PTCHD4: variants seen among roughly 807,000 people sequenced by gnomAD.
PTCHD4 encodes the protein patched domain-containing protein 4.
PTCHD4 carries 33 observed loss-of-function variants against 58.1 expected under a neutral mutation model. The ratio of observed to expected loss-of-function variants is 0.57; its 90% CI spans 0.43 to 0.76. The LOEUF (loss-of-function observed/expected upper bound fraction) is 0.76. PTCHD4 is among the 30% of genes least tolerant of loss of function. The probability of loss-of-function intolerance (pLI) is 0.00; values close to 1 mark genes in which losing one functional copy is unlikely to be tolerated. For synonymous variants in PTCHD4, 478 were observed against 409.6 expected, an observed-to-expected ratio of 1.17 and a Z score of -2.02; for missense variants, 1,058 against 1,027.1, an observed-to-expected ratio of 1.03 and a Z score of -0.41.
chr6:48,072,993 A>G (rs1156517463), intron 1 of PTCHD4, among the ~76,000 whole-genome samples: 1 of 152,202 alleles, frequency 6.6e-6, no homozygotes, highest in Non-Finnish European at 1.5e-5. Flanking sequence ...TTAGGGATTC[A>G]TTAGAAAGAT....
rs1763335121 is a variant in PTCHD4 at position 47,857,702 on chromosome 6, G to A, written c.*20601C>T. ...ACTAAGAGCTGTAAATTAGTTAATA[G>A]ACTACTTATTTTCATTTGGGGAACA... On this transcript the variant is annotated 3_prime_UTR_variant, in exon 5 of 5. Transcript: ENST00000339488. 6.6e-6 allele frequency among the ~76,000 whole-genome samples: 1 copy of A among 151,912 alleles called. No homozygotes were observed. Among genetic ancestry groups the A allele is most frequent in the Non-Finnish European group, 1.5e-5 (1 of 67,942 alleles).
At chr6:48,109,917 A>ATAGTGCTGC (rs1765828676) in intron 1 of PTCHD4, among the ~76,000 whole-genome samples, 2 of 152,180 alleles carry the variant, frequency 1.3e-5, no homozygotes, top group African/African-American at 4.8e-5. Flanking sequence ...ATTATTTTAA[A>ATAGTGCTGC]AATAAAACTT....
At chr6:47,995,427 G>C (rs1191750642) in intron 4 of PTCHD4, among the ~76,000 whole-genome samples, 1 of 152,106 alleles carries the variant, frequency 6.6e-6, no homozygotes, top group Non-Finnish European at 1.5e-5. Context: ...ATAATAACTG[G>C]TCTTTTTACA....
chr6:47,875,514 A>G lies in PTCHD4; in HGVS notation c.*2789T>C, dbSNP rs1763824988. On this transcript the variant is annotated 3_prime_UTR_variant, in exon 5 of 5. Transcript: ENST00000339488. The stretch of plus-strand genomic sequence containing the variant: ...CTTTAGGTGGTATATTAACTCTTCC[A>G]GAACAAATAATTCCATTTCAGTAAA... 6.6e-6 allele frequency among the ~76,000 whole-genome samples: 1 copy of G among 151,866 alleles called. No homozygotes were observed. Among genetic ancestry groups the G allele is most frequent in the African/African-American group, 2.4e-5 (1 of 41,406 alleles).
chr6:48,007,051 C>T (rs1474154951), intron 4 of PTCHD4, among the ~76,000 whole-genome samples: 1 of 152,070 alleles, frequency 6.6e-6, no homozygotes, highest in Non-Finnish European at 1.5e-5. Context: ...TCAGCCTGGC[C>T]AACACGGTGA....
Position 48,000,292 on chromosome 6 carries a change from C to T in PTCHD4, c.898+8342G>A, listed in dbSNP as rs80011312. Among the ~76,000 whole-genome samples the T allele has an allele frequency of 9.5e-4, 145 of 152,212 alleles. 1 individual carries two copies. The highest frequency in any genetic ancestry group is 3.3e-3 in the African/African-American group (136 of 41,550). On this transcript the variant is annotated intron_variant, in intron 4 of 4. Transcript: ENST00000339488. ...TAGTCTAGTCTAGCTGACCCTGACC[C>T]GCACAATTTTCATGATCTGTCATTA...
chr6:47,999,672 C>A (rs985842164), intron 4 of PTCHD4, among the ~76,000 whole-genome samples: 38 of 152,130 alleles, frequency 2.5e-4, no homozygotes, highest in African/African-American at 9.2e-4. Flanking sequence ...AAACTACTGA[C>A]CCACAGAATC....
At chr6:47,993,868 G>C (rs1226049895) in intron 4 of PTCHD4, among the ~76,000 whole-genome samples, 1 of 152,120 alleles carries the variant, frequency 6.6e-6, no homozygotes, top group Non-Finnish European at 1.5e-5. Context: ...TAGAGATATG[G>C]GCAGAGCCAA....
chr6:48,110,098 AC>A (rs1225131254), intron 1 of PTCHD4, among the ~76,000 whole-genome samples: 1 of 152,192 alleles, frequency 6.6e-6, no homozygotes, highest in Non-Finnish European at 1.5e-5. Flanking sequence ...CAGCAATTCC[AC>A]CACTGAGTAT....
In PTCHD4 at chr6:48,104,256, G is replaced by T. The variant is rs1306149713; in HGVS notation, c.-970+6793C>A. ...CATCAGACTAACAGCTGATCTCTCGGCAGAAACTCTACAAGCCAGAAGAGA... is the reference window on the plus strand; with the variant it reads ...CATCAGACTAACAGCTGATCTCTCGTCAGAAACTCTACAAGCCAGAAGAGA... On this transcript the variant is annotated intron_variant, in intron 1 of 4. Coordinates refer to ENST00000339488, the MANE Select transcript of PTCHD4 (RefSeq NM_001384253.1). Among the ~76,000 whole-genome samples, 5 of 152,198 alleles carry T rather than the reference G, an allele frequency of 3.3e-5. No individual in the cohort carries two copies. The East Asian group carries it at 5.8e-4, about 18-fold the overall frequency.
At chr6:48,019,602 G>A (rs1015477287) in intron 3 of PTCHD4, among the ~76,000 whole-genome samples, 1 of 151,060 alleles carries the variant, frequency 6.6e-6, no homozygotes, top group Non-Finnish European at 1.5e-5. Context: ...TGGGCGTGGT[G>A]GGGGGCTCCT....
chr6:48,020,934 C>T (rs1763045784), intron 3 of PTCHD4, among the ~76,000 whole-genome samples: 1 of 151,922 alleles, frequency 6.6e-6, no homozygotes, highest in African/African-American at 2.4e-5. Flanking sequence ...GATTGACTCA[C>T]CAACAAAAAT....
intron 3 of PTCHD4, among the ~76,000 whole-genome samples, chr6:48,029,748 A>G (rs1285088191): frequency 1.3e-5 from 2 of 152,154 alleles, no homozygotes; most frequent in South Asian, 2.1e-4. Flanking sequence ...TCTTCTGGAC[A>G]TAAGTAGAAA....
intron 4 of PTCHD4, among the ~76,000 whole-genome samples, chr6:47,998,822 A>G (rs1768601110): frequency 6.6e-6 from 1 of 152,212 alleles, no homozygotes; most frequent in South Asian, 2.1e-4. Flanking sequence ...CAGTAGGTCC[A>G]TGTCAAAGCT....
At chr6:48,077,111 G>T (rs374510683) in intron 1 of PTCHD4, among the ~76,000 whole-genome samples, 1 of 152,194 alleles carries the variant, frequency 6.6e-6, no homozygotes, top group South Asian at 2.1e-4. Flanking sequence ...TAAGTGATAG[G>T]TCTCAACAGC....
intron 4 of PTCHD4, among the ~76,000 whole-genome samples, chr6:47,892,887 A>G (rs1037319321): frequency 3.9e-5 from 6 of 152,246 alleles, no homozygotes; most frequent in South Asian, 4.1e-4. Context: ...CCTGAAGCCA[A>G]TGGAAAACCA....
chr6:47,925,679 G>T (rs763753927), intron 4 of PTCHD4, among the ~76,000 whole-genome samples: 10 of 152,218 alleles, frequency 6.6e-5, no homozygotes, highest in Non-Finnish European at 1.0e-4. Context: ...CTCCACAGGG[G>T]TCTGTGACTT....
chr6:48,076,091 G>A (rs540184744), intron 1 of PTCHD4, among the ~76,000 whole-genome samples: 1 of 152,258 alleles, frequency 6.6e-6, no homozygotes, highest in Admixed American at 6.5e-5. Flanking sequence ...TAAGTATTTT[G>A]TTGTCACTTC....
rs111455610 is a variant in PTCHD4 at position 47,986,941 on chromosome 6, A to G, written c.898+21693T>C. Among the ~76,000 whole-genome samples, 1,303 of 152,304 alleles carry G rather than the reference A, an allele frequency of 8.6e-3. 14 individuals are homozygous for G. Among genetic ancestry groups the G allele is most frequent in the South Asian group, 0.034 (163 of 4,822 alleles). On this transcript the variant is annotated intron_variant, in intron 4 of 4. Coordinates refer to ENST00000339488, the MANE Select transcript of PTCHD4 (RefSeq NM_001384253.1). ...TGTGTTGCAGCGTCATACTCTGGATAAAGTCAATTTGCTGCATCTTGTATT... is the reference window on the plus strand; with the variant it reads ...TGTGTTGCAGCGTCATACTCTGGATGAAGTCAATTTGCTGCATCTTGTATT...
Sources: gnomAD v4.1 joint callset for allele counts (sites outside exome capture counted in the v4.1 genomes callset) on GRCh38, gnomAD v4.1.1 for gene constraint, MANE v1.5 for transcripts, NCBI Gene and HGNC (gene_info 2026-07-23, HGNC 2026-07-21) for gene names.